DIAPH2: variants seen among roughly 807,000 people sequenced by gnomAD.
DIAPH2 encodes the protein diaphanous related formin 2, also known as protein diaphanous homolog 2.
Under a neutral mutation model 92.7 loss-of-function variants are expected in DIAPH2, and 35 were observed. That is an observed-to-expected ratio of 0.38 (90% CI 0.29 to 0.50). The LOEUF (loss-of-function observed/expected upper bound fraction) is 0.50, where lower values mean the gene tolerates loss of function less well. Among genes scored for constraint, DIAPH2 ranks in the 20% least tolerant of loss-of-function variants. The pLI is 0.94. For synonymous variants in DIAPH2, 301 were observed against 280.4 expected, an observed-to-expected ratio of 1.07 and a Z score of -0.73; for missense variants, 701 against 819.5, an observed-to-expected ratio of 0.86 and a Z score of 1.77.
chrX:96,784,342 C>T (rs778693364), intron 4 of DIAPH2, among the ~76,000 whole-genome samples: 72 of 112,046 alleles, frequency 6.4e-4, no homozygotes, highest in Admixed American at 2.4e-3. Context: ...TCATTGTCTA[C>T]TTGTTTGAAT....
chrX:97,081,086 A>G (rs2066740548), intron 19 of DIAPH2, among the ~76,000 whole-genome samples: 1 of 112,119 alleles, frequency 8.9e-6, no homozygotes, highest in South Asian at 3.7e-4. Flanking sequence ...GTTCATTTTC[A>G]TAATTCTTTA....
At chrX:97,182,043 A>G (rs1169275488) in intron 22 of DIAPH2, among the ~76,000 whole-genome samples, 1 of 111,229 alleles carries the variant, frequency 9.0e-6, no homozygotes, top group African/African-American at 3.3e-5. Context: ...AGATTATGAC[A>G]TACCTTGGGG....
At chrX:97,537,238 C>T (rs1330424391) in intron 26 of DIAPH2, among the ~76,000 whole-genome samples, 1 of 111,144 alleles carries the variant, frequency 9.0e-6, no homozygotes, top group African/African-American at 3.3e-5. Flanking sequence ...TACAAGTAGC[C>T]CAGTGCAACT....
intron 25 of DIAPH2, among the ~76,000 whole-genome samples, chrX:97,386,672 TA>T (rs1226314356): frequency 1.5e-4 from 14 of 93,056 alleles, no homozygotes; most frequent in African/African-American, 2.3e-4. Context: ...TGTCTCAAAA[TA>T]AAAAAAAAAA....
intron 22 of DIAPH2, among the ~76,000 whole-genome samples, chrX:97,198,265 TACACAC>T (rs200339851): frequency 0.45 from 39,684 of 88,624 alleles, 7,862 homozygotes; most frequent in Non-Finnish European, 0.59. Context: ...AACAACAAAA[TACACAC>T]ACACACACAC....
intron 24 of DIAPH2, among the ~76,000 whole-genome samples, chrX:97,369,953 T>C (rs1173650383): frequency 9.0e-6 from 1 of 111,662 alleles, no homozygotes; most frequent in African/African-American, 3.3e-5. Flanking sequence ...CGATTTTAAC[T>C]GATAGTAAGA....
intron 23 of DIAPH2, among the ~76,000 whole-genome samples, chrX:97,325,189 C>T (rs1047201305): frequency 8.9e-6 from 1 of 112,213 alleles, no homozygotes; most frequent in Non-Finnish European, 1.9e-5. Context: ...GTGCACATGG[C>T]TGTGGATGAA....
intron 25 of DIAPH2, among the ~76,000 whole-genome samples, chrX:97,423,508 T>G (rs1317557972): frequency 8.9e-6 from 1 of 111,756 alleles, no homozygotes; most frequent in African/African-American, 3.3e-5. Context: ...ATGCTGATAC[T>G]GAAAATTAAG....
At chrX:96,840,260 C>T (rs1391704270) in intron 4 of DIAPH2, among the ~76,000 whole-genome samples, 1 of 111,825 alleles carries the variant, frequency 8.9e-6, no homozygotes, top group African/African-American at 3.3e-5. Context: ...TTTCCCATCC[C>T]TGTATCCCTG....
At chrX:97,322,975 G>A (rs1037301158) in intron 23 of DIAPH2, among the ~76,000 whole-genome samples, 1 of 97,570 alleles carries the variant, frequency 1.0e-5, no homozygotes, top group Non-Finnish European at 2.0e-5. Flanking sequence ...GCTCAATCTC[G>A]GCTCACTTCA....
At chrX:96,688,534 A>G (rs923718527) in intron 1 of DIAPH2, among the ~76,000 whole-genome samples, 2 of 111,079 alleles carry the variant, frequency 1.8e-5, no homozygotes, top group African/African-American at 3.3e-5. Context: ...ACGGGGTTTC[A>G]CCATATTGGC....
intron 1 of DIAPH2, among the ~76,000 whole-genome samples, chrX:96,693,261 C>T (rs1465040334): frequency 8.9e-6 from 1 of 112,121 alleles, no homozygotes; most frequent in Non-Finnish European, 1.9e-5. Context: ...CTAGACTGAC[C>T]ATTTACTAAC....
At position 97,570,117 on chromosome X, in the gene DIAPH2, TATATATTAGA is replaced by T. The variant is rs2071358485; in HGVS notation, c.3242-29134_3242-29125del. On this transcript the variant is annotated intron_variant, in intron 26 of 26. Transcript: ENST00000324765. Reference sequence around the variant, plus strand: ...ATATATATATATATATATATATATATATATATTAGAAGATAGATAGATAGATAGATAGATA... The same window carrying T: ...ATATATATATATATATATATATATATAGATAGATAGATAGATAGATAGATA... 3.0e-4 allele frequency among the ~76,000 whole-genome samples: 8 copies of T among 26,408 alleles called. No homozygotes were observed. In the East Asian group the frequency reaches 6.8e-3, roughly 23 times the overall value. The allele number at this position is 26,408 out of a possible 115,157, so 22.9% of individuals were successfully genotyped here. A position where few individuals can be genotyped will look rare whatever the true frequency, so the allele number is the denominator to read the frequency against.
chrX:97,069,194 G>A (rs1569293604), intron 17 of DIAPH2, among the ~76,000 whole-genome samples: 1 of 110,706 alleles, frequency 9.0e-6, no homozygotes, highest in African/African-American at 3.3e-5. Flanking sequence ...AACTCCTGAC[G>A]TCAGGTGATC....
At chrX:97,196,219 T>TAC (rs59276561) in intron 22 of DIAPH2, among the ~76,000 whole-genome samples, 2,361 of 104,855 alleles carry the variant, frequency 0.023, 41 homozygotes, top group African/African-American at 0.049. Flanking sequence ...CACACATACA[T>TAC]ACACACACAC....
chrX:97,242,382 G>C (rs1420218388), intron 22 of DIAPH2, among the ~76,000 whole-genome samples: 8 of 99,670 alleles, frequency 8.0e-5, no homozygotes, highest in Non-Finnish European at 1.4e-4. Context: ...TTTTTTTCTT[G>C]AGACAGAGTT....
In DIAPH2 at chrX:97,460,714, T is replaced by A. The variant is rs377196341; in HGVS notation, c.3241+30969T>A. Among the ~76,000 whole-genome samples, 7 of 111,487 alleles carry A rather than the reference T, an allele frequency of 6.3e-5. No homozygotes were observed. In the East Asian group the frequency reaches 2.0e-3, roughly 32 times the overall value. On this transcript the variant is annotated intron_variant, in intron 26 of 26. Transcript: ENST00000324765. ...CTAGACATAGCCAAGTTGTGTTTTG[T>A]CAATGCTTGATCATGGCTGAATTCC...
intron 25 of DIAPH2, among the ~76,000 whole-genome samples, chrX:97,399,389 T>G (rs1487098148): frequency 1.8e-5 from 2 of 112,163 alleles, no homozygotes; most frequent in South Asian, 3.7e-4. Flanking sequence ...ATGTAAGTCC[T>G]TTGTTATAAG....
At chrX:97,476,639 T>A (rs1000789744) in intron 26 of DIAPH2, among the ~76,000 whole-genome samples, 1 of 110,966 alleles carries the variant, frequency 9.0e-6, no homozygotes, top group Non-Finnish European at 1.9e-5. Context: ...AATTAATTTT[T>A]TCAATTGAAT....
Sources: gnomAD v4.1 joint callset for allele counts (sites outside exome capture counted in the v4.1 genomes callset) on GRCh38, gnomAD v4.1.1 for gene constraint, MANE v1.5 for transcripts, NCBI Gene and HGNC (gene_info 2026-07-23, HGNC 2026-07-21) for gene names.